LRRC72: variants seen among roughly 807,000 people sequenced by gnomAD.
LRRC72 encodes leucine-rich repeat-containing protein 72.
Under a neutral mutation model 35.8 loss-of-function variants are expected in LRRC72, and 41 were observed. The observed-to-expected ratio is 1.15, with a 90% confidence interval of 0.89 to 1.49. The LOEUF is 1.49. LRRC72 is among the 40% of genes most tolerant of loss of function. The probability of loss-of-function intolerance (pLI) is 0.00; values close to 1 mark genes in which losing one functional copy is unlikely to be tolerated. For synonymous variants in LRRC72, 118 were observed against 119.2 expected (o/e 0.99, Z 0.07); for missense variants, 389 against 330.7 (o/e 1.18, Z -1.37).
chr7:16,577,529 A>G (rs763639968), intron 7 of LRRC72, among the ~76,000 whole-genome samples: 2 of 152,238 alleles, frequency 1.3e-5, no homozygotes, highest in Non-Finnish European at 2.9e-5. Context: ...AGATTTAACT[A>G]CATGAAAATG....
At chr7:16,581,298 CT>C in intron 8 of LRRC72, 25 bp from the exon 9 acceptor site, 1 of 1,409,596 alleles carries the variant, frequency 7.1e-7, no homozygotes, top group Non-Finnish European at 9.3e-7. Context: ...TGCTTTTTTT[CT>C]GACATAATTG....
chr7:16,576,288 A>G (rs1226921581), intron 7 of LRRC72, among the ~76,000 whole-genome samples: 2 of 152,330 alleles, frequency 1.3e-5, no homozygotes, highest in East Asian at 1.9e-4. Context: ...TGCAGCTTCT[A>G]TATTTGTTTT....
chr7:16,549,452 T>C (rs1018262511), intron 3 of LRRC72, among the ~76,000 whole-genome samples: 1 of 152,156 alleles, frequency 6.6e-6, no homozygotes, highest in African/African-American at 2.4e-5. Flanking sequence ...ACACTGTTTG[T>C]GGAAAAACAA....
At chr7:16,573,792 T>C (rs1782989884) in intron 7 of LRRC72, among the ~76,000 whole-genome samples, 1 of 152,028 alleles carries the variant, frequency 6.6e-6, no homozygotes, top group Non-Finnish European at 1.5e-5. Flanking sequence ...CCAAAGCCAA[T>C]ATTGACAAAT....
At chr7:16,554,123 G>C (rs1782605562) in intron 3 of LRRC72, among the ~76,000 whole-genome samples, 2 of 152,190 alleles carry the variant, frequency 1.3e-5, no homozygotes, top group Admixed American at 1.3e-4. Context: ...GAGGTCAGGG[G>C]TTCGAGACCA....
intron 3 of LRRC72, among the ~76,000 whole-genome samples, chr7:16,556,024 A>G (rs1454086842): frequency 6.6e-6 from 1 of 151,888 alleles, no homozygotes; most frequent in Non-Finnish European, 1.5e-5. Context: ...CAACTTCACA[A>G]TGCAAATACA....
chr7:16,570,981 T>C (rs1196210272), intron 7 of LRRC72, among the ~76,000 whole-genome samples: 1 of 152,026 alleles, frequency 6.6e-6, no homozygotes, highest in Non-Finnish European at 1.5e-5. Flanking sequence ...TTTCTGTTTT[T>C]TTTTTTTTCT....
chr7:16,539,472 C>A (rs1330470085), intron 3 of LRRC72, among the ~76,000 whole-genome samples: 1 of 152,156 alleles, frequency 6.6e-6, no homozygotes, highest in African/African-American at 2.4e-5. Flanking sequence ...GGAAGCAGAA[C>A]ATAAAAGCTT....
chr7:16,557,300 A>T, intron 3 of LRRC72, 60 bp from the exon 4 acceptor site: 1 of 456,918 alleles, frequency 2.2e-6, no homozygotes, highest in East Asian at 4.1e-5. Flanking sequence ...GGTTATTTAT[A>T]TTGATGTAAT....
chr7:16,533,001 G>A (rs1020149445), intron 2 of LRRC72, among the ~76,000 whole-genome samples: 8 of 152,200 alleles, frequency 5.3e-5, no homozygotes, highest in Middle Eastern at 3.4e-3. Flanking sequence ...CCGATATCCT[G>A]TATTTTATCT....
At chr7:16,567,360 A>G (rs1264635321) in intron 6 of LRRC72, 31 bp from the exon 7 acceptor site, 10 of 1,366,756 alleles carry the variant, frequency 7.3e-6, no homozygotes, top group Admixed American at 2.9e-5. Context: ...TTATAATGTT[A>G]TGCAATAACA....
intron 2 of LRRC72, 119 bp from the exon 3 acceptor site, chr7:16,537,507 AT>A: frequency 2.0e-6 from 1 of 490,882 alleles, no homozygotes. Flanking sequence ...TGTGCCAATA[AT>A]TTTGAAAGGA....
chr7:16,569,263 A>G (rs975986530), intron 7 of LRRC72, among the ~76,000 whole-genome samples: 8 of 151,992 alleles, frequency 5.3e-5, no homozygotes, highest in African/African-American at 1.9e-4. Flanking sequence ...CCCCATCTCT[A>G]CTAAAAACAA....
At chr7:16,557,735 T>C (rs1319801114) in intron 4 of LRRC72, among the ~76,000 whole-genome samples, 3 of 152,164 alleles carry the variant, frequency 2.0e-5, no homozygotes, top group Non-Finnish European at 4.4e-5. Context: ...GTTGGGAGCA[T>C]TGATAAATAC....
At chr7:16,556,723 G>A (rs1184968957) in intron 3 of LRRC72, among the ~76,000 whole-genome samples, 1 of 152,308 alleles carries the variant, frequency 6.6e-6, no homozygotes, top group African/African-American at 2.4e-5. Context: ...GAAACAAAAA[G>A]TGGGTCAATA....
At chr7:16,539,733 G>A (rs1378034444) in intron 3 of LRRC72, among the ~76,000 whole-genome samples, 1 of 152,220 alleles carries the variant, frequency 6.6e-6, no homozygotes, top group African/African-American at 2.4e-5. Context: ...GCTAAAAGGG[G>A]CCAAGGTACA....
At chr7:16,529,159 A>C (rs1782121347) in intron 1 of LRRC72, among the ~76,000 whole-genome samples, 1 of 152,172 alleles carries the variant, frequency 6.6e-6, no homozygotes, top group African/African-American at 2.4e-5. Flanking sequence ...ATATGACCCC[A>C]ACCCACCTTT....
chr7:16,558,543 G>A (rs1264634379), intron 4 of LRRC72, among the ~76,000 whole-genome samples: 2 of 152,074 alleles, frequency 1.3e-5, no homozygotes, highest in African/African-American at 4.8e-5. Flanking sequence ...CCAGGAGGCG[G>A]AGGTTACAGT....
chr7:16,577,024 G>A (rs900566362), intron 7 of LRRC72, among the ~76,000 whole-genome samples: 3 of 152,164 alleles, frequency 2.0e-5, no homozygotes, highest in East Asian at 1.9e-4. Context: ...GGAGATCAAC[G>A]GCTCAGGAAA....
Sources: allele counts gnomAD v4.1 joint callset (sites outside exome capture counted in the v4.1 genomes callset), GRCh38; gene constraint gnomAD v4.1.1; transcripts MANE v1.5; gene names NCBI Gene and HGNC (gene_info 2026-07-23, HGNC 2026-07-21).